Variants in EXOC4 observed in about 807,000 individuals in gnomAD.
EXOC4 encodes the protein SEC8-like 1.
A neutral mutation model predicts 107.2 loss-of-function variants in EXOC4; 71 were observed. The ratio of observed to expected loss-of-function variants is 0.66; its 90% confidence interval spans 0.55 to 0.81. EXOC4 has a LOEUF of 0.81. Ranked by LOEUF, EXOC4 falls within the 30% of genes least tolerant of loss-of-function variation. EXOC4 has a pLI of 0.00. For synonymous variants in EXOC4, 456 were observed against 441.2 expected, an observed-to-expected ratio of 1.03 and a Z score of -0.42; for missense variants, 1,108 against 1,189.6, an observed-to-expected ratio of 0.93 and a Z score of 1.01.
chr7:133,293,644 A>G (rs963297400), intron 3 of EXOC4, among the ~76,000 whole-genome samples: 6 of 152,152 alleles, frequency 3.9e-5, no homozygotes, highest in African/African-American at 1.4e-4. Context: ...TCTGGTAGCT[A>G]TAGGCTTGGC....
intron 7 of EXOC4, among the ~76,000 whole-genome samples, chr7:133,390,728 A>G (rs2150715771): frequency 6.6e-6 from 1 of 152,326 alleles, no homozygotes; most frequent in East Asian, 1.9e-4. Flanking sequence ...GTTAATGGGA[A>G]ACTACAAAAC....
intron 9 of EXOC4, among the ~76,000 whole-genome samples, chr7:133,515,264 G>T (rs928936539): frequency 6.6e-6 from 1 of 151,794 alleles, no homozygotes; most frequent in East Asian, 1.9e-4. Flanking sequence ...TACTTTTTTA[G>T]GTGGGTTTGT....
chr7:133,858,326 T>C (rs1027843552), intron 11 of EXOC4, among the ~76,000 whole-genome samples: 11 of 152,200 alleles, frequency 7.2e-5, no homozygotes, highest in Admixed American at 5.9e-4. Flanking sequence ...AGTCGTACCA[T>C]GTGGTTGAGT....
At chr7:133,941,821 T>TCTCTCTCTCTCTCTCTCTCTC (rs373451017) in intron 14 of EXOC4, among the ~76,000 whole-genome samples, 3 of 129,540 alleles carry the variant, frequency 2.3e-5, no homozygotes, top group Non-Finnish European at 1.7e-5. Flanking sequence ...TGCTTACAGA[T>TCTCTCTCTCTCTCTCTCTCTC]TCTCTCTCTC....
At chr7:133,981,656 T>C (rs1028233810) in intron 14 of EXOC4, among the ~76,000 whole-genome samples, 3 of 151,324 alleles carry the variant, frequency 2.0e-5, no homozygotes, top group Non-Finnish European at 2.9e-5. Context: ...TTGGTGGGAG[T>C]GTAAATTAGT....
intron 7 of EXOC4, among the ~76,000 whole-genome samples, chr7:133,441,813 G>A (rs189353245): frequency 1.1e-3 from 175 of 152,300 alleles, no homozygotes; most frequent in Middle Eastern, 6.8e-3. Context: ...ACACTGTTAA[G>A]CCTGTGTGTT....
At chr7:133,922,172 T>C (rs1799951223) in intron 13 of EXOC4, among the ~76,000 whole-genome samples, 2 of 152,316 alleles carry the variant, frequency 1.3e-5, no homozygotes, top group South Asian at 4.1e-4. Context: ...ATAATAAATA[T>C]ATGAGAATGT....
intron 17 of EXOC4, among the ~76,000 whole-genome samples, chr7:134,013,963 G>A (rs1020146450): frequency 6.6e-6 from 1 of 152,150 alleles, no homozygotes; most frequent in African/African-American, 2.4e-5. Flanking sequence ...TGGTGCAGCT[G>A]CATCATTTCC....
chr7:133,319,373 T>A (rs1795058967), intron 5 of EXOC4, among the ~76,000 whole-genome samples: 1 of 152,244 alleles, frequency 6.6e-6, no homozygotes, highest in Admixed American at 6.5e-5. Flanking sequence ...GTGGAGTTCA[T>A]GGTGACACTC....
chr7:133,906,868 A>G (rs1224906360), intron 12 of EXOC4, among the ~76,000 whole-genome samples: 1 of 152,200 alleles, frequency 6.6e-6, no homozygotes, highest in Non-Finnish European at 1.5e-5. Context: ...CAAGCTGAAC[A>G]CTAGTCACTG....
At chr7:133,912,632 T>G (rs763351652) in intron 12 of EXOC4, among the ~76,000 whole-genome samples, 7 of 152,220 alleles carry the variant, frequency 4.6e-5, no homozygotes, top group Non-Finnish European at 7.3e-5. Flanking sequence ...TTTTTATCTC[T>G]ACTTCAGTTC....
intron 9 of EXOC4, among the ~76,000 whole-genome samples, chr7:133,615,176 C>G (rs1257488610): frequency 6.6e-6 from 1 of 152,048 alleles, no homozygotes; most frequent in Non-Finnish European, 1.5e-5. Flanking sequence ...ATGCCTGACT[C>G]TCCGGCCTCC....
intron 7 of EXOC4, among the ~76,000 whole-genome samples, chr7:133,463,270 T>C (rs1798637725): frequency 6.6e-6 from 1 of 152,264 alleles, no homozygotes; most frequent in Non-Finnish European, 1.5e-5. Flanking sequence ...AGAAGAATGA[T>C]GACATTAAGG....
At chr7:133,838,256 A>C (rs1797958178) in intron 11 of EXOC4, among the ~76,000 whole-genome samples, 1 of 152,174 alleles carries the variant, frequency 6.6e-6, no homozygotes, top group African/African-American at 2.4e-5. Flanking sequence ...TCTCAGCGGT[A>C]ATGGTTCTTT....
intron 13 of EXOC4, 37 bp from the exon 14 acceptor site, chr7:133,937,854 C>A: frequency 6.2e-7 from 1 of 1,607,282 alleles, no homozygotes; most frequent in Non-Finnish European, 8.5e-7. Context: ...CTTTTCCATG[C>A]TGTATATATG....
chr7:133,320,370 A>G (rs1422519144), intron 5 of EXOC4, among the ~76,000 whole-genome samples: 2 of 152,288 alleles, frequency 1.3e-5, no homozygotes, highest in Admixed American at 6.5e-5. Context: ...GGAGGCCACC[A>G]TATTCCTTGG....
At chr7:133,606,499 A>T (rs1015332874) in intron 9 of EXOC4, among the ~76,000 whole-genome samples, 3 of 140,658 alleles carry the variant, frequency 2.1e-5, no homozygotes, top group Non-Finnish European at 4.6e-5. Flanking sequence ...GCTGCTGTTT[A>T]TTATTATTAT....
In EXOC4 at chr7:133,274,987, T is replaced by A; in HGVS notation, c.92T>A (p.Leu31Gln). The A allele has an allele frequency of 6.2e-7, 1 of 1,600,366 alleles. No homozygotes were observed. The highest frequency in any genetic ancestry group is 2.2e-5 in the East Asian group (1 of 44,810). Residue 31 changes from leucine to glutamine, a missense_variant, in exon 2 of 18, where the codon CTG becomes CAG. Coordinates refer to ENST00000253861, the MANE Select transcript of EXOC4 (RefSeq NM_021807.4). ...ATACTCTCTGCCTTCACCAGGACTC[T>A]GTCTACTAGTGACGATGTCGAAGAC... is the stretch of plus-strand genomic sequence containing the variant. ...SGLLISVIRT[L>Q]STSDDVEDRE...
intron 11 of EXOC4, among the ~76,000 whole-genome samples, chr7:133,884,621 G>GCA (rs1491171508): frequency 6.9e-6 from 1 of 145,832 alleles, no homozygotes; most frequent in African/African-American, 2.7e-5. Flanking sequence ...GTGTGTGTGT[G>GCA]CGCGCGTGTG....
Sources: allele counts gnomAD v4.1 joint callset (sites outside exome capture counted in the v4.1 genomes callset), GRCh38; gene constraint gnomAD v4.1.1; transcripts MANE v1.5; gene names NCBI Gene and HGNC (gene_info 2026-07-23, HGNC 2026-07-21).